KNDC1: variants seen among roughly 807,000 people sequenced by gnomAD.
KNDC1 encodes the protein kinase non-catalytic C-lobe domain containing 1, also known as kinase non-catalytic C-lobe domain-containing protein 1.
KNDC1 carries 106 observed loss-of-function variants against 172.8 expected under a neutral mutation model. That is an observed-to-expected ratio of 0.61 (90% CI 0.52 to 0.72). The LOEUF is 0.72. Among genes scored for constraint, KNDC1 ranks in the 30% least tolerant of loss-of-function variants. KNDC1 has a pLI of 0.00. For missense variants in KNDC1, 2,325 were observed against 2,394.5 expected (o/e 0.97, Z 0.61); for synonymous variants, 1,083 against 1,062.2 (o/e 1.02, Z -0.38).
In KNDC1 at chr10:133,198,447, G is replaced by A. The variant is rs959413150; in HGVS notation, c.2017G>A (p.Glu673Lys). 5.4e-5 allele frequency: 86 copies of A among 1,604,420 alleles called. 1 individual carries two copies. In the East Asian group the frequency reaches 1.4e-3, roughly 26 times the overall value. Residue 673 changes from glutamate (E) to lysine (K), a missense_variant, in exon 13 of 30, where the codon GAG becomes AAG. Glu to Lys is a moderately conservative substitution (Grantham distance 56, BLOSUM62 1). Coordinates refer to ENST00000304613, the MANE Select transcript of KNDC1 (RefSeq NM_152643.8). Reference sequence around the variant, plus strand: ...CCAGCTGCCTGCAGCGTTCACCTCCGAGGCCACGCACTTCAAGCCCATTGT... The same window carrying A: ...CCAGCTGCCTGCAGCGTTCACCTCCAAGGCCACGCACTTCAAGCCCATTGT... ...ATQLPAAFTS[E>K]ATHFKPIVLA... is the part of the protein sequence containing the mutation.
intron 9 of KNDC1, among the ~76,000 whole-genome samples, chr10:133,190,701 C>T (rs1281258496): frequency 6.6e-6 from 1 of 152,220 alleles, no homozygotes; most frequent in Non-Finnish European, 1.5e-5. Context: ...GGCTTTCCTG[C>T]AGTCTAGCCT....
intron 9 of KNDC1, 54 bp downstream of exon 9, chr10:133,189,867 C>A: frequency 2.2e-6 from 3 of 1,378,020 alleles, no homozygotes; most frequent in Non-Finnish European, 3.0e-6. Context: ...CTCGGGGATG[C>A]CACGTCCCCC....
chr10:133,190,686 T>G (rs995005055), intron 9 of KNDC1, among the ~76,000 whole-genome samples: 2 of 152,206 alleles, frequency 1.3e-5, no homozygotes, highest in African/African-American at 2.4e-5. Flanking sequence ...TGCCAAACCA[T>G]CGAAGGCTTT....
intron 16 of KNDC1, among the ~76,000 whole-genome samples, chr10:133,200,720 C>A (rs555954461): frequency 2.0e-4 from 29 of 147,038 alleles, no homozygotes; most frequent in African/African-American, 6.1e-4. Context: ...CTTCTGGGGG[C>A]GAGCAGGAGC....
rs2998117 is a variant in KNDC1 at position 133,224,263 on chromosome 10, C to T, written c.5019-396C>T. Among the ~76,000 whole-genome samples the T allele has an allele frequency of 0.36, 53,997 of 151,990 alleles. 10,268 individuals are homozygous for T. The highest frequency in any genetic ancestry group is 0.62 in the East Asian group (3,177 of 5,116). ...TCAACCAGCTGTCCCAGGCTTCCGGCCCTGGGCCCCGGCCGTGGCGATTCC... is the reference window on the plus strand; with the variant it reads ...TCAACCAGCTGTCCCAGGCTTCCGGTCCTGGGCCCCGGCCGTGGCGATTCC... On this transcript the variant is annotated intron_variant, in intron 29 of 29. Transcript: ENST00000304613. The surrounding 1 kb of genome is among the most constrained non-coding windows in gnomAD (Gnocchi z 5.4).
chr10:133,197,874 C>G, intron 12 of KNDC1, 106 bp downstream of exon 12: 3 of 952,370 alleles, frequency 3.2e-6, no homozygotes, highest in Non-Finnish European at 5.0e-6. Context: ...CTCGGAAACC[C>G]GGGAAGCAAG....
Position 133,198,954 on chromosome 10 carries a change from C to T in KNDC1, c.2446C>T (p.Leu816=), listed in dbSNP as rs1854281629. The part of the protein sequence containing the change: ...VASGGLRPDA[L]GPTTAHHGPR... ...TTCCGGGGGCCTCAGGCCCGACGCCCTGGGGCCCACCACGGCCCACCACGG... is the reference window on the plus strand; with the variant it reads ...TTCCGGGGGCCTCAGGCCCGACGCCTTGGGGCCCACCACGGCCCACCACGG... Residue 816 remains leucine, a synonymous_variant, in exon 14 of 30, where the codon CTG becomes TTG. Coordinates refer to ENST00000304613, the MANE Select transcript of KNDC1 (RefSeq NM_152643.8). 6.5e-7 allele frequency: 1 copy of T among 1,550,176 alleles called. No individual in the cohort carries two copies. Among genetic ancestry groups the T allele is most frequent in the South Asian group, 1.2e-5 (1 of 84,748 alleles).
chr10:133,212,854 A>AT lies in KNDC1; in HGVS notation c.4375_4376insT (p.Lys1459IlefsTer56). The stretch of plus-strand genomic sequence containing the variant: ...CGGCCCCTGCGCCAAGACCAGTGAG[A>AT]AGGGGCCCTACTTCCTGACGGAGTA... On this transcript the variant is annotated frameshift_variant, in exon 24 of 30. Coordinates refer to ENST00000304613, the MANE Select transcript of KNDC1 (RefSeq NM_152643.8). LOFTEE classifies it high-confidence loss of function. 6.2e-7 allele frequency: 1 copy of AT among 1,613,962 alleles called. No individual in the cohort carries two copies. Among genetic ancestry groups the AT allele is most frequent in the Non-Finnish European group, 8.5e-7 (1 of 1,179,950 alleles).
chr10:133,186,543 T>C lies in KNDC1; in HGVS notation c.1195T>C (p.Ser399Pro). ...VPGSPGQPET[S>P]HPSQGPAEAP... Reference sequence around the variant, plus strand: ...CGGCAGTCCAGGACAGCCCGAGACTTCACACCCCAGCCAGGGGCCAGCAGA... The same window carrying C: ...CGGCAGTCCAGGACAGCCCGAGACTCCACACCCCAGCCAGGGGCCAGCAGA... Residue 399 changes from serine (S) to proline (P), a missense_variant, in exon 6 of 30, where the codon TCA becomes CCA. Ser to Pro is a moderately conservative substitution (Grantham distance 74, BLOSUM62 -1). Transcript: ENST00000304613. 1 of 1,611,308 alleles carries C rather than the reference T, an allele frequency of 6.2e-7. No individual in the cohort carries two copies. Among genetic ancestry groups the C allele is most frequent in the South Asian group, 1.1e-5 (1 of 91,052 alleles).
At chr10:133,165,799 C>T (rs1213934576) in intron 1 of KNDC1, among the ~76,000 whole-genome samples, 1 of 151,824 alleles carries the variant, frequency 6.6e-6, no homozygotes, top group Admixed American at 6.6e-5. Context: ...GAGTCCTGGG[C>T]GGTGCTAAGA....
intron 2 of KNDC1, 30 bp from the exon 3 acceptor site, chr10:133,168,224 C>T (rs748486871): frequency 1.0e-5 from 16 of 1,592,386 alleles, no homozygotes; most frequent in Non-Finnish European, 1.4e-5. Flanking sequence ...TGACCAGAAG[C>T]CTTCTCTCCT....
chr10:133,184,678 T>C (rs1415007073), intron 5 of KNDC1, among the ~76,000 whole-genome samples: 2 of 152,248 alleles, frequency 1.3e-5, no homozygotes, highest in African/African-American at 4.8e-5. Flanking sequence ...CACACCCATT[T>C]CCACACTCTC....
Position 133,198,508 on chromosome 10 carries a change from CGTCCCCACACCCCGGAGCTGCTGG to C in KNDC1, c.2069+15_2069+38del. The C allele has an allele frequency of 6.3e-7, 1 of 1,595,318 alleles. No homozygotes were observed. The highest frequency in any genetic ancestry group is 8.6e-7 in the Non-Finnish European group (1 of 1,167,714). On this transcript the variant is annotated intron_variant, in intron 13 of 29. Coordinates refer to ENST00000304613, the MANE Select transcript of KNDC1 (RefSeq NM_152643.8). ...AACGCAAGTGTGGCCAGGTGAGCATCGTCCCCACACCCCGGAGCTGCTGGGTCCCGGGCGCAGGCAGCCCCTCCT... is the reference window on the plus strand; with the variant it reads ...AACGCAAGTGTGGCCAGGTGAGCATCGTCCCGGGCGCAGGCAGCCCCTCCT...
intron 16 of KNDC1, 22 bp downstream of exon 16, chr10:133,200,482 C>G (rs771445770): frequency 1.3e-5 from 20 of 1,497,350 alleles, no homozygotes; most frequent in Non-Finnish European, 1.8e-5. Context: ...GCGGGCCCCG[C>G]GGCAGGAGCT....
rs1338039728 is a variant in KNDC1 at position 133,163,021 on chromosome 10, C to G, written c.102+2452C>G. Among the ~76,000 whole-genome samples, 3 of 114,134 alleles carry G rather than the reference C, an allele frequency of 2.6e-5. No homozygotes were observed. The Admixed American group carries it at 3.1e-4, about 12-fold the overall frequency. 74.9% of individuals were successfully genotyped at this position (114,134 alleles called of 152,430 possible). ...AGGGAGATGTTCTGTGGGGGTGATG[C>G]AAGGAGGGCTTCCTGGAGGTGTCCT... On this transcript the variant is annotated intron_variant, in intron 1 of 29. Coordinates refer to ENST00000304613, the MANE Select transcript of KNDC1 (RefSeq NM_152643.8). This position sits in a 1 kb window ranked among gnomAD's most constrained non-coding sequence, Gnocchi z 4.4.
In KNDC1 at chr10:133,167,363, C is replaced by T; in HGVS notation, c.103-18C>T. On this transcript the variant is annotated intron_variant, in intron 1 of 29. Coordinates refer to ENST00000304613, the MANE Select transcript of KNDC1 (RefSeq NM_152643.8). Reference sequence around the variant, plus strand: ...CTGGGGGTCCTGCCGGGCTCACGGCCAGGGCCGGTCTTGGCAGGAGAACGT... The same window carrying T: ...CTGGGGGTCCTGCCGGGCTCACGGCTAGGGCCGGTCTTGGCAGGAGAACGT... 6.4e-7 allele frequency: 1 copy of T among 1,553,338 alleles called. No individual in the cohort carries two copies. The highest frequency in any genetic ancestry group is 1.9e-5 in the Admixed American group (1 of 52,268).
At chr10:133,177,237 A>T (rs1192895210) in intron 3 of KNDC1, among the ~76,000 whole-genome samples, 3 of 151,710 alleles carry the variant, frequency 2.0e-5, no homozygotes, top group Non-Finnish European at 2.9e-5. Context: ...GTGCATATGC[A>T]TGCAATATGA....
rs372143868 is a variant in KNDC1 at position 133,197,037 on chromosome 10, T to A, written c.1735-21T>A. The A allele has an allele frequency of 2.0e-4, 314 of 1,606,362 alleles. No individual in the cohort carries two copies. In the African/African-American group the frequency reaches 3.9e-3, roughly 20 times the overall value. On this transcript the variant is annotated intron_variant, in intron 10 of 29. Coordinates refer to ENST00000304613, the MANE Select transcript of KNDC1 (RefSeq NM_152643.8). ...CGTGGCTGAGGCCTGTCGGGACGTG[T>A]GAACTGTCTCCTCCCTCCAGGTGTG...
chr10:133,192,326 A>G (rs1353957269), intron 9 of KNDC1, among the ~76,000 whole-genome samples: 2 of 152,248 alleles, frequency 1.3e-5, no homozygotes, highest in Non-Finnish European at 2.9e-5. Flanking sequence ...AAGAGAATAG[A>G]GAGCCCAGAA....
Sources: allele counts gnomAD v4.1 joint callset (sites outside exome capture counted in the v4.1 genomes callset), GRCh38; gene constraint gnomAD v4.1.1; non-coding constraint Gnocchi (gnomAD v3.1); transcripts MANE v1.5; gene names NCBI Gene and HGNC (gene_info 2026-07-23, HGNC 2026-07-21).